The following EEFSEC variants were observed in gnomAD, a reference collection of about 807,000 sequenced individuals.
The protein encoded by EEFSEC is selenocysteine-specific elongation factor.
EEFSEC carries 43 observed loss-of-function variants against 42.1 expected under a neutral mutation model. The ratio of observed to expected loss-of-function variants is 1.02; its 90% CI spans 0.80 to 1.32. The LOEUF is 1.32. Among genes scored for constraint, EEFSEC ranks in the 40% most tolerant of loss-of-function variants. The pLI is 0.00. For missense variants in EEFSEC, 745 were observed against 803.6 expected (o/e 0.93, Z 0.88); for synonymous variants, 354 against 339.1 (o/e 1.04, Z -0.48).
At chr3:128,279,074 G>A (rs2066497288) in intron 4 of EEFSEC, among the ~76,000 whole-genome samples, 1 of 152,202 alleles carries the variant, frequency 6.6e-6, no homozygotes, top group African/African-American at 2.4e-5. Flanking sequence ...GGAGAATGGT[G>A]GGGCAGGGAG....
chr3:128,312,906 G>C (rs1328248591), intron 4 of EEFSEC, among the ~76,000 whole-genome samples: 1 of 152,210 alleles, frequency 6.6e-6, no homozygotes, highest in Non-Finnish European at 1.5e-5. Context: ...GAAAGAGATA[G>C]TTCCCTGGGA....
At chr3:128,330,351 C>T (rs2067113002) in intron 4 of EEFSEC, among the ~76,000 whole-genome samples, 1 of 152,160 alleles carries the variant, frequency 6.6e-6, no homozygotes, top group Non-Finnish European at 1.5e-5. Context: ...CAGAGTGTGC[C>T]CCATGTGGCA....
intron 1 of EEFSEC, among the ~76,000 whole-genome samples, chr3:128,193,767 G>A (rs1469432957): frequency 1.3e-5 from 2 of 152,042 alleles, no homozygotes; most frequent in Non-Finnish European, 2.9e-5. Flanking sequence ...GACATAACTT[G>A]TACAACTCCA....
rs63448265 is a variant in EEFSEC, at chr3:128,260,966, CAAAA to C, written c.525-1149_525-1146del. Among the ~76,000 whole-genome samples, 5 of 34,780 alleles carry C rather than the reference CAAAA, an allele frequency of 1.4e-4. No individual in the cohort carries two copies. The East Asian group carries it at 0.012, about 84-fold the overall frequency. 22.8% of individuals were successfully genotyped at this position (34,780 alleles called of 152,430 possible). On this transcript the variant is annotated intron_variant, in intron 2 of 6. Coordinates refer to ENST00000254730, the MANE Select transcript of EEFSEC (RefSeq NM_021937.5). The stretch of plus-strand genomic sequence containing the variant: ...CCACGAATTCATCCCACAGCCAAGG[CAAAA>C]AAAAAAAAAAAACATTCATGCCCGC...
intron 5 of EEFSEC, among the ~76,000 whole-genome samples, chr3:128,342,399 C>T (rs1018892752): frequency 6.6e-6 from 1 of 152,210 alleles, no homozygotes; most frequent in East Asian, 1.9e-4. Flanking sequence ...CTTTCCTCAC[C>T]TGTGGACTGA....
At chr3:128,215,357 C>T (rs1183043411) in intron 1 of EEFSEC, among the ~76,000 whole-genome samples, 1 of 152,114 alleles carries the variant, frequency 6.6e-6, no homozygotes, top group Non-Finnish European at 1.5e-5. Flanking sequence ...AGGATCCTGG[C>T]TCCACTCCCT....
intron 4 of EEFSEC, among the ~76,000 whole-genome samples, chr3:128,305,448 C>G (rs1250367304): frequency 6.6e-6 from 1 of 152,140 alleles, no homozygotes; most frequent in Non-Finnish European, 1.5e-5. Context: ...GTTATCTATT[C>G]CTTAGAAGAT....
Position 128,379,833 on chromosome 3 carries a change from G to A in EEFSEC, c.1600+21460G>A, listed in dbSNP as rs571145923. Among the ~76,000 whole-genome samples, 373 of 152,370 alleles carry A rather than the reference G, an allele frequency of 2.4e-3. 2 individuals carry two copies. Among genetic ancestry groups the A allele is most frequent in the South Asian group, 0.011 (54 of 4,830 alleles). ...CTCACCCCAGATGAGGTTGGGTCCC[G>A]TCAGCTGTCCCCACACACCCAATGC... On this transcript the variant is annotated intron_variant, in intron 6 of 6. Transcript: ENST00000254730.
At chr3:128,396,072 G>T (rs1168243025) in intron 6 of EEFSEC, among the ~76,000 whole-genome samples, 1 of 152,178 alleles carries the variant, frequency 6.6e-6, no homozygotes, top group Non-Finnish European at 1.5e-5. Flanking sequence ...AGATGGCCTG[G>T]ACAGCCACCA....
At chr3:128,182,100 A>G (rs951435075) in intron 1 of EEFSEC, among the ~76,000 whole-genome samples, 3 of 152,328 alleles carry the variant, frequency 2.0e-5, no homozygotes, top group Non-Finnish European at 4.4e-5. Flanking sequence ...GGCATGAGCC[A>G]CTGTGCCTGG....
At chr3:128,270,814 T>C (rs942924846) in intron 4 of EEFSEC, among the ~76,000 whole-genome samples, 1 of 152,196 alleles carries the variant, frequency 6.6e-6, no homozygotes, top group Non-Finnish European at 1.5e-5. Context: ...GTATGCTCAC[T>C]TTCCAGCACA....
At chr3:128,198,781 G>A (rs2065613672) in intron 1 of EEFSEC, among the ~76,000 whole-genome samples, 1 of 152,124 alleles carries the variant, frequency 6.6e-6, no homozygotes, top group African/African-American at 2.4e-5. Context: ...CTGAAGGCCA[G>A]GAAGGAGACA....
intron 4 of EEFSEC, among the ~76,000 whole-genome samples, chr3:128,316,856 C>A (rs1198041796): frequency 6.6e-6 from 1 of 152,212 alleles, no homozygotes; most frequent in African/African-American, 2.4e-5. Context: ...TTCATCTCTT[C>A]TTAAGAAAAA....
At chr3:128,370,367 G>A (rs1482187140) in intron 6 of EEFSEC, among the ~76,000 whole-genome samples, 4 of 152,092 alleles carry the variant, frequency 2.6e-5, no homozygotes, top group Non-Finnish European at 4.4e-5. Context: ...GGAGTGCAGC[G>A]GCCCACACTC....
chr3:128,163,938 G>GAAA lies in EEFSEC; in HGVS notation c.316+10127_316+10129dup, dbSNP rs34767342. On this transcript the variant is annotated intron_variant, in intron 1 of 6. Coordinates refer to ENST00000254730, the MANE Select transcript of EEFSEC (RefSeq NM_021937.5). ...GGGAACCAGTATTGCATTTTTTTGT[G>GAAA]AAAAAAAAAAAAAACAAAACTATTT... is the stretch of plus-strand genomic sequence containing the variant. 1.4e-3 allele frequency among the ~76,000 whole-genome samples: 168 copies of GAAA among 124,168 alleles called. 1 individual carries two copies. The highest frequency in any genetic ancestry group is 2.2e-3 in the South Asian group (8 of 3,708). The allele number at this position is 124,168 out of a possible 152,430, so 81.5% of individuals were successfully genotyped here.
At chr3:128,360,909 AC>A (rs895864453) in intron 6 of EEFSEC, among the ~76,000 whole-genome samples, 1 of 45,940 alleles carries the variant, frequency 2.2e-5, no homozygotes, top group Admixed American at 2.8e-4. Flanking sequence ...CATCCCTCCC[AC>A]CCCCACTCCC....
At chr3:128,363,337 G>A (rs1035848336) in intron 6 of EEFSEC, among the ~76,000 whole-genome samples, 3 of 152,260 alleles carry the variant, frequency 2.0e-5, no homozygotes, top group Non-Finnish European at 4.4e-5. Context: ...CTTGGGCAAA[G>A]GTAGCAAACA....
At chr3:128,262,051 C>T (rs2066302402) in intron 2 of EEFSEC, 77 bp from the exon 3 acceptor site, 3 of 1,375,274 alleles carry the variant, frequency 2.2e-6, no homozygotes, top group East Asian at 4.6e-5. Context: ...TGGTACTGTG[C>T]CAGGTGCTTC....
intron 1 of EEFSEC, among the ~76,000 whole-genome samples, chr3:128,158,297 A>G (rs1427581734): frequency 1.3e-5 from 2 of 152,262 alleles, no homozygotes; most frequent in African/African-American, 4.8e-5. Flanking sequence ...AATGACAACA[A>G]AGGATTTAGA....
Sources: allele counts gnomAD v4.1 joint callset (sites outside exome capture counted in the v4.1 genomes callset), GRCh38; gene constraint gnomAD v4.1.1; transcripts MANE v1.5; gene names NCBI Gene and HGNC (gene_info 2026-07-23, HGNC 2026-07-21).